The following DST variants were observed in gnomAD, a reference collection of about 807,000 sequenced individuals.
DST encodes the protein bullous pemphigoid antigen.
In DST, 253 loss-of-function variants were observed where a neutral mutation model predicts 875.2. The ratio of observed to expected loss-of-function variants is 0.29; its 90% confidence interval spans 0.26 to 0.32. The LOEUF (loss-of-function observed/expected upper bound fraction) is 0.32. Among genes scored for constraint, DST ranks in the 10% least tolerant of loss-of-function variants. DST has a pLI of 1.00. For missense variants in DST, 8,287 were observed against 9,111.6 expected (o/e 0.91, Z 3.68); for synonymous variants, 3,124 against 3,197.1 (o/e 0.98, Z 0.77).
At chr6:56,717,766 C>A (rs2099400323) in intron 5 of DST, among the ~76,000 whole-genome samples, 1 of 151,686 alleles carries the variant, frequency 6.6e-6, no homozygotes, top group South Asian at 2.1e-4. Flanking sequence ...GCACTCTCAA[C>A]CAATCTGCAG....
intron 50 of DST, among the ~76,000 whole-genome samples, chr6:56,576,853 C>G (rs1160701670): frequency 2.0e-5 from 3 of 152,148 alleles, no homozygotes; most frequent in African/African-American, 7.2e-5. Flanking sequence ...AGCCTGTTCT[C>G]TGATTTCCAG....
At chr6:56,739,534 A>G (rs1185513522) in intron 4 of DST, among the ~76,000 whole-genome samples, 1 of 152,162 alleles carries the variant, frequency 6.6e-6, no homozygotes, top group Non-Finnish European at 1.5e-5. Context: ...CATCTTGAAT[A>G]GGAGCTAGGT....
intron 5 of DST, among the ~76,000 whole-genome samples, chr6:56,729,427 C>A (rs2152923490): frequency 6.6e-6 from 1 of 151,984 alleles, no homozygotes; most frequent in Non-Finnish European, 1.5e-5. Flanking sequence ...CCCGTCTCTA[C>A]TAAAAATACA....
rs747543307 is a variant in DST at position 56,608,113 on chromosome 6, G to C, written c.6515C>G (p.Thr2172Arg). Residue 2172 changes from threonine to arginine, a missense_variant, in exon 40 of 104, where the codon ACA (threonine) becomes AGA (arginine). Transcript: ENST00000680361. ...WLSFCKFQPSTVHDYRQEEDV... is the reference protein window; with the variant it reads ...WLSFCKFQPSRVHDYRQEEDV... ...CTCTTCTTGTCTGTAATCATGAACT[G>C]TGGAGGGTTGAAATTTACAAAAAGA... 6.2e-7 allele frequency: 1 copy of C among 1,613,738 alleles called. No individual in the cohort carries two copies.
chr6:56,892,081 CAT>C (rs971329366), intron 3 of DST, among the ~76,000 whole-genome samples: 1 of 152,328 alleles, frequency 6.6e-6, no homozygotes, highest in African/African-American at 2.4e-5. Flanking sequence ...GTACCCTGCA[CAT>C]GTTTAATCCT....
chr6:56,696,693 C>T (rs151023713), intron 9 of DST, among the ~76,000 whole-genome samples: 1 of 152,310 alleles, frequency 6.6e-6, no homozygotes, highest in African/African-American at 2.4e-5. Flanking sequence ...CTAGAACAAA[C>T]TATTGACCTC....
At chr6:56,753,364 G>A (rs571084114) in intron 4 of DST, among the ~76,000 whole-genome samples, 8 of 152,290 alleles carry the variant, frequency 5.3e-5, no homozygotes, top group African/African-American at 1.7e-4. Context: ...AGTTTAGAGA[G>A]CACCAACTTC....
chr6:56,601,691 G>C lies in DST; in HGVS notation c.11308-15C>G. 2 of 1,453,878 alleles carry C rather than the reference G, an allele frequency of 1.4e-6. No homozygotes were observed. Among genetic ancestry groups the C allele is most frequent in the Non-Finnish European group, 1.9e-6 (2 of 1,065,812 alleles). 90.1% of individuals were successfully genotyped at this position (1,453,878 alleles called of 1,614,324 possible). The stretch of plus-strand genomic sequence containing the variant: ...TTTAATACATTCTGTTAAAAAAGTA[G>C]TACAAGCTATCAGTAGAAAGTTAAG... On this transcript the variant is annotated splice_polypyrimidine_tract_variant and intron_variant, in intron 43 of 103. Transcript: ENST00000680361.
At chr6:56,695,323 G>C (rs865924657) in intron 9 of DST, among the ~76,000 whole-genome samples, 1 of 151,904 alleles carries the variant, frequency 6.6e-6, no homozygotes, top group Non-Finnish European at 1.5e-5. Flanking sequence ...GCAGAACCAT[G>C]ATGATCCAAA....
chr6:56,663,288 G>T, intron 10 of DST, among the ~76,000 whole-genome samples: 1 of 152,168 alleles, frequency 6.6e-6, no homozygotes, highest in East Asian at 1.9e-4. Flanking sequence ...ATCCATTTCT[G>T]TTCTCAAAGT....
At chr6:56,897,633 C>G (rs750322486) in intron 3 of DST, among the ~76,000 whole-genome samples, 3 of 152,016 alleles carry the variant, frequency 2.0e-5, no homozygotes, top group Non-Finnish European at 4.4e-5. Flanking sequence ...GCTCGGCCAC[C>G]AGGTAGGTAT....
rs765883507 is a variant in DST at position 56,642,000 on chromosome 6, A to G, written c.1974T>C (p.Asp658=). The G allele has an allele frequency of 1.2e-6, 2 of 1,613,446 alleles. No homozygotes were observed. Among genetic ancestry groups the G allele is most frequent in the African/African-American group, 1.3e-5 (1 of 74,914 alleles). The part of the protein sequence containing the change: ...CENLLRQHVI[D]VQILIDGKYY... ...ATTTTCCATCAATAAGAATCTGTAC[A>G]TCAATTACATGCTGGCGTAAAAGGT... is the stretch of plus-strand genomic sequence containing the variant. Residue 658 remains aspartate (D), a synonymous_variant, in exon 17 of 104, where the codon GAT becomes GAC. Coordinates refer to ENST00000680361, the MANE Select transcript of DST (RefSeq NM_001374736.1).
intron 4 of DST, among the ~76,000 whole-genome samples, chr6:56,778,243 C>A (rs1038397312): frequency 1.3e-5 from 2 of 151,710 alleles, no homozygotes; most frequent in Non-Finnish European, 2.9e-5. Context: ...AGGATAAAAA[C>A]AAATCAAAAT....
At position 56,645,949 on chromosome 6, in the gene DST, A is replaced by G; in HGVS notation, c.1695T>C (p.His565=). Residue 565 remains histidine, a synonymous_variant, in exon 15 of 104, where the codon CAT becomes CAC. Coordinates refer to ENST00000680361, the MANE Select transcript of DST (RefSeq NM_001374736.1). ...FGRIKLLQGY[H]PNDIEKEWGK... ...CCCACTCTTTTTCTATGTCATTTGG[A>G]TGATAACCTTGAAGGAGCTTGATGC... 1 of 1,613,818 alleles carries G rather than the reference A, an allele frequency of 6.2e-7. No homozygotes were observed. Among genetic ancestry groups the G allele is most frequent in the Non-Finnish European group, 8.5e-7 (1 of 1,179,788 alleles).
chr6:56,887,356 G>A (rs1785105467), intron 3 of DST, among the ~76,000 whole-genome samples: 1 of 152,158 alleles, frequency 6.6e-6, no homozygotes, highest in Admixed American at 6.5e-5. Context: ...GGGATTTAGG[G>A]CAAAGATCAA....
intron 78 of DST, 77 bp from the exon 79 acceptor site, chr6:56,501,770 C>T: frequency 1.8e-6 from 2 of 1,122,788 alleles, no homozygotes; most frequent in Non-Finnish European, 2.5e-6. Flanking sequence ...TTGGTTATAT[C>T]ATTATTCTAA....
chr6:56,938,075 T>G (rs1417387424), intron 2 of DST, among the ~76,000 whole-genome samples: 1 of 78,510 alleles, frequency 1.3e-5, no homozygotes, highest in Non-Finnish European at 2.5e-5. Context: ...TACACCTCTC[T>G]CTCTCTTTCT....
At chr6:56,499,896 T>C (rs2096063796) in intron 80 of DST, among the ~76,000 whole-genome samples, 1 of 152,134 alleles carries the variant, frequency 6.6e-6, no homozygotes, top group Non-Finnish European at 1.5e-5. Context: ...CACCAGTCAT[T>C]AGGGCTTTAA....
intron 5 of DST, among the ~76,000 whole-genome samples, chr6:56,716,472 G>A (rs2099394920): frequency 6.6e-6 from 1 of 152,184 alleles, no homozygotes; most frequent in East Asian, 1.9e-4. Context: ...CCTTGGGTCA[G>A]GCAAAGATTT....
Sources: allele counts gnomAD v4.1 joint callset (sites outside exome capture counted in the v4.1 genomes callset), GRCh38; gene constraint gnomAD v4.1.1; transcripts MANE v1.5; gene names NCBI Gene and HGNC (gene_info 2026-07-23, HGNC 2026-07-21).